ITSN1: variants seen among roughly 807,000 people sequenced by gnomAD.
ITSN1 encodes the protein intersectin 1, also known as intersectin-1.
In ITSN1, 58 loss-of-function variants were observed where a neutral mutation model predicts 239.8. That is an observed-to-expected ratio of 0.24 (90% CI 0.20 to 0.30). The LOEUF (loss-of-function observed/expected upper bound fraction) is 0.30. ITSN1 is among the 10% of genes least tolerant of loss of function. The probability of loss-of-function intolerance (pLI) is 1.00; values close to 1 mark genes in which losing one functional copy is unlikely to be tolerated. For missense variants in ITSN1, 1,558 were observed against 2,103.3 expected, an observed-to-expected ratio of 0.74 and a Z score of 5.07; for synonymous variants, 780 against 770.8, an observed-to-expected ratio of 1.01 and a Z score of -0.20.
At position 33,882,232 on chromosome 21, in the gene ITSN1, T is replaced by C; in HGVS notation, c.4342-11T>C. ...AAATGCTACACTTTGGGTTTTGTTT[T>C]CCTTTCTCAGCAACTTGTGTTCAAT... On this transcript the variant is annotated splice_polypyrimidine_tract_variant and intron_variant, in intron 34 of 39. Coordinates refer to ENST00000381318, the MANE Select transcript of ITSN1 (RefSeq NM_003024.3). This position sits in a 1 kb window ranked among gnomAD's most constrained non-coding sequence, Gnocchi z 4.5. 1 of 1,611,316 alleles carries C rather than the reference T, an allele frequency of 6.2e-7. No individual in the cohort carries two copies. The highest frequency in any genetic ancestry group is 8.5e-7 in the Non-Finnish European group (1 of 1,178,860).
chr21:33,748,642 C>G (rs116847979), intron 5 of ITSN1, among the ~76,000 whole-genome samples: 1 of 151,362 alleles, frequency 6.6e-6, no homozygotes, highest in African/African-American at 2.4e-5. Flanking sequence ...AAGTTCGAGA[C>G]GAGCTCAGGC....
chr21:33,885,573 C>T, intron 38 of ITSN1, 51 bp downstream of exon 38: 1 of 1,400,378 alleles, frequency 7.1e-7, no homozygotes, highest in Non-Finnish European at 1.0e-6. Context: ...GGAGTAGGGT[C>T]CGGGTTCCCC....
chr21:33,729,209 G>A (rs952690483), intron 4 of ITSN1, among the ~76,000 whole-genome samples: 1 of 152,152 alleles, frequency 6.6e-6, no homozygotes, highest in African/African-American at 2.4e-5. Context: ...TCAGCACTTT[G>A]GGAGGTCGAG....
chr21:33,829,780 T>TC (rs768335836), intron 27 of ITSN1, 35 bp downstream of exon 27: 26 of 1,611,608 alleles, frequency 1.6e-5, no homozygotes, highest in Non-Finnish European at 2.2e-5. Context: ...CAATTCTCCA[T>TC]CCAAGTTTCA....
intron 33 of ITSN1, among the ~76,000 whole-genome samples, chr21:33,870,894 A>G (rs959261664): frequency 1.3e-5 from 2 of 152,230 alleles, no homozygotes; most frequent in African/African-American, 4.8e-5. Context: ...TAGATGGGAC[A>G]TGGCACAGAA....
chr21:33,835,259 C>A (rs953753511), intron 28 of ITSN1, among the ~76,000 whole-genome samples: 2 of 152,168 alleles, frequency 1.3e-5, no homozygotes, highest in Non-Finnish European at 2.9e-5. Flanking sequence ...TTTGCTTGAG[C>A]TGTGGCCTTG....
At position 33,820,564 on chromosome 21, in the gene ITSN1, G is replaced by A. The variant is rs75121530; in HGVS notation, c.3016+1241G>A. Among the ~76,000 whole-genome samples the A allele has an allele frequency of 1.4e-3, 218 of 152,256 alleles. 1 individual carries two copies. The highest frequency in any genetic ancestry group is 5.2e-3 in the African/African-American group (215 of 41,558). On this transcript the variant is annotated intron_variant, in intron 24 of 39. Coordinates refer to ENST00000381318, the MANE Select transcript of ITSN1 (RefSeq NM_003024.3). ...CAGCTGTTTTAGGTGGAGACAGCAA[G>A]GATTAAGGTATAATGGTATTTCAGA...
chr21:33,829,201 T>C (rs949410560), intron 26 of ITSN1: 2 of 364,430 alleles, frequency 5.5e-6, no homozygotes, highest in Admixed American at 7.5e-5. Context: ...ATTGAGTCCT[T>C]TAGTCACTTC....
intron 1 of ITSN1, among the ~76,000 whole-genome samples, chr21:33,694,841 G>A (rs947755112): frequency 1.3e-5 from 2 of 152,080 alleles, no homozygotes; most frequent in African/African-American, 4.8e-5. Flanking sequence ...ACAAAAAACA[G>A]ACAGGGTCTT....
intron 8 of ITSN1, 57 bp from the exon 9 acceptor site, chr21:33,761,866 C>G: frequency 1.6e-6 from 2 of 1,263,956 alleles, no homozygotes. Flanking sequence ...CCTGGTCCTC[C>G]TGTACAGTGA....
intron 1 of ITSN1, among the ~76,000 whole-genome samples, chr21:33,661,883 A>G (rs1367607117): frequency 6.6e-6 from 1 of 151,856 alleles, no homozygotes; most frequent in East Asian, 1.9e-4. Context: ...TGTAACTGTG[A>G]GTCCATTAAA....
chr21:33,773,297 C>T (rs1227226294), intron 12 of ITSN1, among the ~76,000 whole-genome samples: 5 of 151,962 alleles, frequency 3.3e-5, no homozygotes, highest in East Asian at 1.9e-4. Flanking sequence ...CATGAGCCAC[C>T]GCGCCTGGCC....
intron 14 of ITSN1, among the ~76,000 whole-genome samples, chr21:33,775,491 AG>A (rs1344948018): frequency 6.6e-6 from 1 of 152,240 alleles, no homozygotes. Context: ...TCCTAGGGAT[AG>A]GAAATGTTGT....
chr21:33,858,599 C>G, intron 30 of ITSN1, 87 bp from the exon 31 acceptor site: 1 of 816,378 alleles, frequency 1.2e-6, no homozygotes, highest in East Asian at 2.5e-5. Context: ...CACCTGAGCC[C>G]TTTCCCTGCT....
intron 8 of ITSN1, among the ~76,000 whole-genome samples, chr21:33,756,006 A>G (rs1055390710): frequency 2.6e-5 from 4 of 152,228 alleles, no homozygotes; most frequent in African/African-American, 9.6e-5. Context: ...AATACTTGTT[A>G]GAAAGTTATA....
rs1475003266 is a variant in ITSN1, at chr21:33,889,613, T to G, written c.*1313T>G. ...TGAAAAGTGGGGGCCGTGTTTTGTTTGCATGTTAATATTCTCATAATCCTA... is the reference window on the plus strand; with the variant it reads ...TGAAAAGTGGGGGCCGTGTTTTGTTGGCATGTTAATATTCTCATAATCCTA... On this transcript the variant is annotated 3_prime_UTR_variant, in exon 40 of 40. Coordinates refer to ENST00000381318, the MANE Select transcript of ITSN1 (RefSeq NM_003024.3). 6.6e-6 allele frequency: 1 copy of G among 152,228 alleles called. No individual in the cohort carries two copies. The highest frequency in any genetic ancestry group is 1.5e-5 in the Non-Finnish European group (1 of 68,036). 9.4% of individuals were successfully genotyped at this position (152,228 alleles called of 1,614,324 possible).
chr21:33,738,768 G>A (rs769141398), intron 5 of ITSN1, among the ~76,000 whole-genome samples: 3 of 151,904 alleles, frequency 2.0e-5, no homozygotes, highest in Non-Finnish European at 4.4e-5. Context: ...GTGACATGAC[G>A]TGTCACTCTT....
rs79078105 is a variant in ITSN1 at position 33,854,658 on chromosome 21, C to T, written c.3662-2078C>T. 2.4e-4 allele frequency among the ~76,000 whole-genome samples: 36 copies of T among 152,346 alleles called. No individual in the cohort carries two copies. The East Asian group carries it at 6.7e-3, about 29-fold the overall frequency. On this transcript the variant is annotated intron_variant, in intron 29 of 39. Transcript: ENST00000381318. ...AATGAGTGAGCCCCGTGGCCTGCCT[C>T]CTTCCTGAGAGTTCATTGTTGGTGC...
At position 33,850,427 on chromosome 21, in the gene ITSN1, C is replaced by G. The variant is rs28435748; in HGVS notation, c.3662-6309C>G. 5.7e-3 allele frequency among the ~76,000 whole-genome samples: 865 copies of G among 152,268 alleles called. 5 individuals carry two copies. The highest frequency in any genetic ancestry group is 0.02 in the African/African-American group (830 of 41,540). Reference sequence around the variant, plus strand: ...TCTGTGCCCACCGGCTTCTCCAGACCCCATTAAAAATCGCATCTTGAGGAT... The same window carrying G: ...TCTGTGCCCACCGGCTTCTCCAGACGCCATTAAAAATCGCATCTTGAGGAT... On this transcript the variant is annotated intron_variant, in intron 29 of 39. Coordinates refer to ENST00000381318, the MANE Select transcript of ITSN1 (RefSeq NM_003024.3).
Sources: gnomAD v4.1 joint callset for allele counts (sites outside exome capture counted in the v4.1 genomes callset) on GRCh38, gnomAD v4.1.1 for gene constraint, Gnocchi (gnomAD v3.1) non-coding constraint, MANE v1.5 for transcripts, NCBI Gene and HGNC (gene_info 2026-07-23, HGNC 2026-07-21) for gene names.